INTS12: variants seen among roughly 807,000 people sequenced by gnomAD.
INTS12 encodes the protein integrator complex subunit 12.
In INTS12, 13 loss-of-function variants were observed where a neutral mutation model predicts 41.6. The observed-to-expected ratio is 0.31, with a 90% CI of 0.20 to 0.50. INTS12 has a LOEUF of 0.50. Among genes scored for constraint, INTS12 ranks in the 20% least tolerant of loss-of-function variants. The pLI, the probability that INTS12 is intolerant of heterozygous loss-of-function variation, is 0.98. For synonymous variants in INTS12, 199 were observed against 191.4 expected, an observed-to-expected ratio of 1.04 and a Z score of -0.33; for missense variants, 432 against 541.6, an observed-to-expected ratio of 0.80 and a Z score of 2.01.
chr4:105,685,965 GA>G (rs1731485402), intron 7 of INTS12, among the ~76,000 whole-genome samples: 1 of 151,946 alleles, frequency 6.6e-6, no homozygotes, highest in Non-Finnish European at 1.5e-5. Flanking sequence ...CAGCCAATAA[GA>G]AGGGAGAAAA....
At chr4:105,683,372 T>A (rs759525047) in intron 7 of INTS12, 55 bp from the exon 8 acceptor site, 10 of 1,239,074 alleles carry the variant, frequency 8.1e-6, no homozygotes, top group African/African-American at 1.5e-5. Context: ...AGTACCTGTA[T>A]AAACATCCCA....
intron 1 of INTS12, among the ~76,000 whole-genome samples, chr4:105,707,153 TTTATATATCTACATCCTATCAAG>T (rs1295164861): frequency 6.6e-6 from 1 of 152,076 alleles, no homozygotes; most frequent in Non-Finnish European, 1.5e-5. Flanking sequence ...TTTACCTATT[TTTATATATCTACATCCTATCAAG>T]ACCCTATTCA....
intron 1 of INTS12, chr4:105,708,187 C>G: frequency 2.0e-6 from 2 of 985,336 alleles, no homozygotes; most frequent in South Asian, 9.4e-5. Flanking sequence ...GAAAAGGCTC[C>G]GATTCCAAAC....
chr4:105,683,141 G>A lies in INTS12; in HGVS notation c.981C>T (p.Asn327=), dbSNP rs1731379687. The A allele has an allele frequency of 6.2e-7, 1 of 1,614,096 alleles. No homozygotes were observed. The highest frequency in any genetic ancestry group is 8.5e-7 in the Non-Finnish European group (1 of 1,179,964). The change falls in exon 8 of 8, where the codon AAC becomes AAT. Residue 327 remains asparagine (N), a synonymous_variant. Transcript: ENST00000340139. ...GACCAGTCAAACCCACAGGTTTCTG[G>A]TTAGCTGACGAAGTAGCAGGTTTCC... ...NTGKPATSSA[N]QKPVGLTGLA... is the part of the protein sequence containing the mutation.
At chr4:105,707,371 T>C (rs1281928697) in intron 1 of INTS12, among the ~76,000 whole-genome samples, 1 of 152,126 alleles carries the variant, frequency 6.6e-6, no homozygotes, top group African/African-American at 2.4e-5. Context: ...CTGAGTACTT[T>C]AAGGGCAGAG....
intron 5 of INTS12, 80 bp downstream of exon 5, chr4:105,693,219 G>A: frequency 8.5e-7 from 1 of 1,182,974 alleles, no homozygotes; most frequent in Non-Finnish European, 1.1e-6. Context: ...CAATTTTTCT[G>A]ATTTTGGGGG....
chr4:105,682,885 T>C lies in INTS12; in HGVS notation c.1237A>G (p.Ser413Gly), dbSNP rs1364820613. 6.2e-7 allele frequency: 1 copy of C among 1,614,074 alleles called. No individual in the cohort carries two copies. Among genetic ancestry groups the C allele is most frequent in the East Asian group, 2.2e-5 (1 of 44,876 alleles). The change falls in exon 8 of 8, where the codon AGT (serine) becomes GGT (glycine). Residue 413 changes from serine (S) to glycine (G), a missense_variant. Transcript: ENST00000340139. Reference protein sequence around the residue: ...GNGNSGTSGPSGSTTSKTTSE... With the variant: ...GNGNSGTSGPGGSTTSKTTSE... The stretch of plus-strand genomic sequence containing the variant: ...GTAGTTTTGCTGGTAGTACTTCCAC[T>C]AGGTCCTGATGTTCCACTATTTCCA...
At position 105,708,672 on chromosome 4, in the gene INTS12, G is replaced by T. The variant is rs978994418; in HGVS notation, c.-206C>A. 1.1e-6 allele frequency: 1 copy of T among 919,700 alleles called. No homozygotes were observed. Among genetic ancestry groups the T allele is most frequent in the Non-Finnish European group, 1.3e-6 (1 of 770,058 alleles). 57.0% of individuals were successfully genotyped at this position (919,700 alleles called of 1,614,324 possible). On this transcript the variant is annotated 5_prime_UTR_variant, in exon 1 of 8. Coordinates refer to ENST00000340139, the MANE Select transcript of INTS12 (RefSeq NM_020395.4). ...CCGCCCTGCCGATCCGTCTGTTCCC[G>T]GTGGTCCCTTCGGAAACGGTTCCCG...
At chr4:105,702,126 A>ATTTTTT (rs1732097033) in intron 2 of INTS12, among the ~76,000 whole-genome samples, 1 of 129,830 alleles carries the variant, frequency 7.7e-6, no homozygotes, top group Non-Finnish European at 1.7e-5. Flanking sequence ...ATTTATTTCT[A>ATTTTTT]TTTCTTTTTT....
At chr4:105,696,729 G>A (rs904272695) in intron 3 of INTS12, among the ~76,000 whole-genome samples, 5 of 152,078 alleles carry the variant, frequency 3.3e-5, no homozygotes, top group Non-Finnish European at 7.4e-5. Context: ...AAATAGGAGT[G>A]GGTTATATGG....
At chr4:105,693,662 A>G (rs985028577) in intron 4 of INTS12, among the ~76,000 whole-genome samples, 176 bp from the exon 5 acceptor site, 2 of 152,230 alleles carry the variant, frequency 1.3e-5, no homozygotes, top group Non-Finnish European at 2.9e-5. Context: ...CAATGAATTT[A>G]TTAGTATATT....
At chr4:105,685,645 T>A (rs1040221308) in intron 7 of INTS12, among the ~76,000 whole-genome samples, 1 of 152,082 alleles carries the variant, frequency 6.6e-6, no homozygotes, top group African/African-American at 2.4e-5. Flanking sequence ...GGTCAATCTT[T>A]GAGAATTTGA....
At chr4:105,692,537 G>C (rs1731728072) in intron 5 of INTS12, among the ~76,000 whole-genome samples, 1 of 150,320 alleles carries the variant, frequency 6.7e-6, no homozygotes, top group Admixed American at 6.6e-5. Context: ...GTAAAGTTTG[G>C]TATATTAAAA....
rs1329333139 is a variant in INTS12 at position 105,682,736 on chromosome 4, C to T, written c.1386G>A (p.Lys462=). ...TACAAAAACCTACTTGGCCACATTACTTCTTGAGTTTCTTTTGGGCAGCTT... is the reference window on the plus strand; with the variant it reads ...TACAAAAACCTACTTGGCCACATTATTTCTTGAGTTTCTTTTGGGCAGCTT... ...KKKAAQKKLK[K] is the part of the protein sequence containing the mutation. The change falls in exon 8 of 8, where the codon AAG becomes AAA. Residue 462 remains lysine (K), a synonymous_variant. Transcript: ENST00000340139. 1 of 1,612,626 alleles carries T rather than the reference C, an allele frequency of 6.2e-7. No individual in the cohort carries two copies. The highest frequency in any genetic ancestry group is 1.1e-5 in the South Asian group (1 of 90,986).
rs150452511 is a variant in INTS12 at position 105,689,857 on chromosome 4, G to A, written c.657+2119C>T. 4.5e-3 allele frequency among the ~76,000 whole-genome samples: 685 copies of A among 152,250 alleles called. 3 individuals carry two copies. Among genetic ancestry groups the A allele is most frequent in the African/African-American group, 0.016 (657 of 41,556 alleles). On this transcript the variant is annotated intron_variant, in intron 6 of 7. Transcript: ENST00000340139. The stretch of plus-strand genomic sequence containing the variant: ...GGAGGTCAAGGCTGCAGTGAGCCAT[G>A]GTCATGCTACTGCACTCCAGCCTAG...
At chr4:105,701,838 A>G (rs919394706) in intron 2 of INTS12, among the ~76,000 whole-genome samples, 1 of 152,204 alleles carries the variant, frequency 6.6e-6, no homozygotes, top group Non-Finnish European at 1.5e-5. Flanking sequence ...TTCTATGCTG[A>G]AAAATGAAAG....
intron 6 of INTS12, among the ~76,000 whole-genome samples, chr4:105,687,574 A>C (rs892018349): frequency 6.6e-6 from 1 of 152,198 alleles, no homozygotes; most frequent in Non-Finnish European, 1.5e-5. Context: ...TTCTAGGTAG[A>C]TAATTATAAC....
intron 5 of INTS12, among the ~76,000 whole-genome samples, chr4:105,692,979 C>G (rs1040618844): frequency 3.9e-5 from 6 of 152,178 alleles, no homozygotes; most frequent in Non-Finnish European, 5.9e-5. Context: ...GCACAAAAAG[C>G]AATCACCATA....
chr4:105,693,246 G>T, intron 5 of INTS12, 53 bp downstream of exon 5: 1 of 1,404,448 alleles, frequency 7.1e-7, no homozygotes, highest in Non-Finnish European at 9.7e-7. Flanking sequence ...AGTGGAAAGG[G>T]TCATGTGTTC....
Sources: gnomAD v4.1 joint callset for allele counts (sites outside exome capture counted in the v4.1 genomes callset) on GRCh38, gnomAD v4.1.1 for gene constraint, MANE v1.5 for transcripts, NCBI Gene and HGNC (gene_info 2026-07-23, HGNC 2026-07-21) for gene names.